IGFL2: variants seen among roughly 807,000 people sequenced by gnomAD.
The protein encoded by IGFL2 is IGF like family member 2, also known as insulin growth factor-like family member 2.
A neutral mutation model predicts 13.9 loss-of-function variants in IGFL2; 7 were observed. The observed-to-expected ratio is 0.51, with a 90% confidence interval of 0.29 to 0.95. The LOEUF (loss-of-function observed/expected upper bound fraction) is 0.95, where lower values mean the gene tolerates loss of function less well. Ranked by LOEUF, IGFL2 falls within the 40% of genes least tolerant of loss-of-function variation. The pLI is 0.08. For synonymous variants in IGFL2, 55 were observed against 55.8 expected, an observed-to-expected ratio of 0.99 and a Z score of 0.07; for missense variants, 138 against 147.8, an observed-to-expected ratio of 0.93 and a Z score of 0.34.
chr19:46,091,848 A>G, the IGFL2 span, among the ~76,000 whole-genome samples: 3 of 152,250 alleles, frequency 2.0e-5, no homozygotes, highest in Non-Finnish European at 4.4e-5. Context: ...GCATTTTTAA[A>G]AAATGAACTC....
chr19:46,187,305 T>C, the IGFL2 span, among the ~76,000 whole-genome samples: 14 of 149,936 alleles, frequency 9.3e-5, no homozygotes, highest in African/African-American at 3.2e-4. Context: ...ATACCTGAGG[T>C]TGTGCTGCTG....
chr19:46,168,606 G>A, the IGFL2 span, among the ~76,000 whole-genome samples: 13 of 152,208 alleles, frequency 8.5e-5, no homozygotes, highest in African/African-American at 3.1e-4. Flanking sequence ...ACTAACCAGT[G>A]CCATTTCTGT....
chr19:46,156,127 G>A (rs1287201205), intron 1 of IGFL2, among the ~76,000 whole-genome samples: 1 of 152,054 alleles, frequency 6.6e-6, no homozygotes, highest in Non-Finnish European at 1.5e-5. Context: ...ATCACTTTCT[G>A]ATAAATTTTA....
At chr19:46,181,243 C>T in the IGFL2 span, 1 of 152,106 alleles carries the variant, frequency 6.6e-6, no homozygotes, top group African/African-American at 2.4e-5. Context: ...AGCACAGAGA[C>T]CAAGATAACT....
the IGFL2 span, among the ~76,000 whole-genome samples, chr19:46,108,840 CT>C: frequency 6.6e-6 from 1 of 152,206 alleles, no homozygotes; most frequent in Non-Finnish European, 1.5e-5. Flanking sequence ...TCTCTTCTGT[CT>C]CTACCAGAAA....
chr19:46,205,648 A>G, the IGFL2 span, among the ~76,000 whole-genome samples: 2 of 151,956 alleles, frequency 1.3e-5, no homozygotes, highest in African/African-American at 4.8e-5. Flanking sequence ...TCTTTTGCCT[A>G]TTAAACCCCT....
At chr19:46,197,823 TGCCTG>T in the IGFL2 span, among the ~76,000 whole-genome samples, 2 of 152,098 alleles carry the variant, frequency 1.3e-5, no homozygotes. Flanking sequence ...TGAGTCACTG[TGCCTG>T]GCCAGGACAG....
the IGFL2 span, among the ~76,000 whole-genome samples, chr19:46,082,927 C>G: frequency 6.6e-6 from 1 of 152,092 alleles, no homozygotes; most frequent in African/African-American, 2.4e-5. Flanking sequence ...TGCACAATTA[C>G]ATAACCATGG....
the IGFL2 span, among the ~76,000 whole-genome samples, chr19:46,129,190 C>T: frequency 3.3e-5 from 5 of 152,112 alleles, no homozygotes; most frequent in African/African-American, 1.2e-4. Flanking sequence ...ATAATATCCC[C>T]CTTTACATTT....
chr19:46,089,338 TAAC>T, the IGFL2 span, among the ~76,000 whole-genome samples: 3 of 152,226 alleles, frequency 2.0e-5, no homozygotes. Context: ...GCATATCTCT[TAAC>T]AAATTATTGT....
At chr19:46,166,519 A>G in the IGFL2 span, among the ~76,000 whole-genome samples, 1 of 152,168 alleles carries the variant, frequency 6.6e-6, no homozygotes, top group Non-Finnish European at 1.5e-5. Flanking sequence ...CACCACTGTC[A>G]TTGATAACAT....
At chr19:46,094,426 T>A in the IGFL2 span, among the ~76,000 whole-genome samples, 5 of 152,186 alleles carry the variant, frequency 3.3e-5, no homozygotes, top group African/African-American at 9.7e-5. Context: ...TAGAAGTCTA[T>A]AGAGCTGAAA....
At chr19:46,078,554 A>G in the IGFL2 span, among the ~76,000 whole-genome samples, 1 of 152,260 alleles carries the variant, frequency 6.6e-6, no homozygotes, top group Non-Finnish European at 1.5e-5. Flanking sequence ...GTATTACCTA[A>G]AGGCCTTCAC....
At chr19:46,205,991 A>G in the IGFL2 span, among the ~76,000 whole-genome samples, 1 of 152,158 alleles carries the variant, frequency 6.6e-6, no homozygotes, top group Non-Finnish European at 1.5e-5. Flanking sequence ...ACAATATCCA[A>G]AAATCTAATG....
At chr19:46,085,636 T>C in the IGFL2 span, among the ~76,000 whole-genome samples, 1 of 152,306 alleles carries the variant, frequency 6.6e-6, no homozygotes, top group East Asian at 1.9e-4. Context: ...AGTTTAATAT[T>C]GATATGTGAG....
At chr19:46,201,235 C>G in the IGFL2 span, among the ~76,000 whole-genome samples, 2 of 152,226 alleles carry the variant, frequency 1.3e-5, no homozygotes, top group African/African-American at 2.4e-5. Flanking sequence ...CAGGGATGTT[C>G]TACAACCATA....
At position 46,149,027 on chromosome 19, in the gene IGFL2, G is replaced by A. The variant is rs202033444; in HGVS notation, c.19+730G>A. ...CAGGCATGAGGACCGACTACCCCAGGAGTGTGCTGGGTAAGTAAGGGCAGC... is the reference window on the plus strand; with the variant it reads ...CAGGCATGAGGACCGACTACCCCAGAAGTGTGCTGGGTAAGTAAGGGCAGC... On this transcript the variant is annotated intron_variant, in intron 1 of 3. Coordinates refer to ENST00000377693, the MANE Select transcript of IGFL2 (RefSeq NM_001135113.2). 1.8e-5 allele frequency: 29 copies of A among 1,605,650 alleles called. No homozygotes were observed. In the African/African-American group the frequency reaches 2.9e-4, roughly 16 times the overall value.
the IGFL2 span, among the ~76,000 whole-genome samples, chr19:46,188,074 T>G: frequency 0.014 from 2,138 of 152,302 alleles, 55 homozygotes; most frequent in African/African-American, 0.047. Context: ...ATTCCCACAT[T>G]CTTAGCATTC....
the IGFL2 span, among the ~76,000 whole-genome samples, chr19:46,110,591 A>G: frequency 1.3e-5 from 2 of 152,352 alleles, no homozygotes; most frequent in South Asian, 2.1e-4. Context: ...ATAATTAGGA[A>G]CCAGTTTTAT....
Sources: allele counts gnomAD v4.1 joint callset (sites outside exome capture counted in the v4.1 genomes callset), GRCh38; gene constraint gnomAD v4.1.1; transcripts MANE v1.5; gene names NCBI Gene and HGNC (gene_info 2026-07-23, HGNC 2026-07-21).